Variants in SORCS2 observed in about 807,000 individuals in gnomAD.
SORCS2 encodes sortilin related VPS10 domain containing receptor 2, also known as VPS10 domain-containing receptor SorCS2.
In SORCS2, 100 loss-of-function variants were observed where a neutral mutation model predicts 141.6. The observed-to-expected ratio is 0.71, with a 90% CI of 0.60 to 0.83. The LOEUF is 0.83. Ranked by LOEUF, SORCS2 falls within the 40% of genes least tolerant of loss-of-function variation. The pLI is 0.00. For missense variants in SORCS2, 1,646 were observed against 1,560.2 expected, an observed-to-expected ratio of 1.05 and a Z score of -0.93; for synonymous variants, 789 against 676.9, an observed-to-expected ratio of 1.17 and a Z score of -2.57.
At chr4:7,729,052 AG>A (rs1560118283) in intron 22 of SORCS2, among the ~76,000 whole-genome samples, 1 of 152,224 alleles carries the variant, frequency 6.6e-6, no homozygotes, top group Admixed American at 6.5e-5. Context: ...AGGTTGAATC[AG>A]GGTTTGCCAG....
At chr4:7,296,487 C>T (rs914274346) in intron 1 of SORCS2, among the ~76,000 whole-genome samples, 1 of 152,144 alleles carries the variant, frequency 6.6e-6, no homozygotes, top group African/African-American at 2.4e-5. Flanking sequence ...GGGTTGGGGC[C>T]CTCTGCGGGA....
intron 1 of SORCS2, among the ~76,000 whole-genome samples, chr4:7,260,214 G>T (rs1714226063): frequency 6.6e-6 from 1 of 152,248 alleles, no homozygotes; most frequent in African/African-American, 2.4e-5. Flanking sequence ...GGAGGCAGCT[G>T]CTCTGGATGC....
At chr4:7,517,005 T>C (rs1733028028) in intron 2 of SORCS2, among the ~76,000 whole-genome samples, 1 of 152,172 alleles carries the variant, frequency 6.6e-6, no homozygotes, top group Non-Finnish European at 1.5e-5. Flanking sequence ...CGGCTGGGTG[T>C]TGAAGGGACT....
Position 7,654,116 on chromosome 4 carries a change from C to G in SORCS2, c.814-18C>G. On this transcript the variant is annotated intron_variant, in intron 4 of 26. Transcript: ENST00000507866. ...TGACGTCCTGACCAAGCTTTTGTTTCTTTTTTCTGCCCTAAAGCTCTACGT... is the reference window on the plus strand; with the variant it reads ...TGACGTCCTGACCAAGCTTTTGTTTGTTTTTTCTGCCCTAAAGCTCTACGT... The G allele has an allele frequency of 6.4e-7, 1 of 1,561,872 alleles. No homozygotes were observed.
intron 1 of SORCS2, among the ~76,000 whole-genome samples, chr4:7,203,408 A>G (rs970265713): frequency 3.3e-5 from 5 of 152,080 alleles, no homozygotes; most frequent in Non-Finnish European, 5.9e-5. Context: ...TGGGCGACAG[A>G]GCAAGACTCC....
Position 7,742,326 on chromosome 4 carries a change from A to AT in SORCS2, c.*2063dup. The AT allele has an allele frequency of 6.6e-6, 1 of 152,422 alleles. No homozygotes were observed. Among genetic ancestry groups the AT allele is most frequent in the Admixed American group, 6.5e-5 (1 of 15,300 alleles). The allele number at this position is 152,422 out of a possible 1,614,324, so 9.4% of individuals were successfully genotyped here. On this transcript the variant is annotated 3_prime_UTR_variant, in exon 27 of 27. Coordinates refer to ENST00000507866, the MANE Select transcript of SORCS2 (RefSeq NM_020777.3). The stretch of plus-strand genomic sequence containing the variant: ...AAGCGTCAGGCACACAGGGACAGAC[A>AT]TGGCGAGCACAGTGCAGGCCCGGGG...
chr4:7,552,259 T>G (rs1208859413), intron 3 of SORCS2, among the ~76,000 whole-genome samples: 6 of 152,310 alleles, frequency 3.9e-5, no homozygotes, highest in Non-Finnish European at 1.5e-5. Flanking sequence ...GTGGTATCTT[T>G]GGGATCTCTG....
At chr4:7,706,116 A>G (rs1725430696) in intron 14 of SORCS2, among the ~76,000 whole-genome samples, 1 of 138,084 alleles carries the variant, frequency 7.2e-6, no homozygotes, top group African/African-American at 2.7e-5. Context: ...CTGTCTGGGC[A>G]GGGATGAGGC....
chr4:7,703,445 G>C, intron 13 of SORCS2, 74 bp downstream of exon 13: 1 of 1,228,570 alleles, frequency 8.1e-7, no homozygotes, highest in Non-Finnish European at 1.1e-6. Flanking sequence ...AACCCTCTCA[G>C]ACTAGTCCCC....
intron 14 of SORCS2, among the ~76,000 whole-genome samples, chr4:7,710,134 G>A (rs925620188): frequency 3.3e-5 from 5 of 152,274 alleles, no homozygotes; most frequent in African/African-American, 4.8e-5. Context: ...TCAGAACAGC[G>A]GTGAGACTGA....
At chr4:7,680,656 G>A (rs1369363398) in intron 9 of SORCS2, among the ~76,000 whole-genome samples, 2 of 152,244 alleles carry the variant, frequency 1.3e-5, no homozygotes, top group Admixed American at 6.5e-5. Flanking sequence ...TCTGTGCATG[G>A]ATTTGCCACA....
intron 2 of SORCS2, among the ~76,000 whole-genome samples, chr4:7,407,338 T>A (rs1197457296): frequency 1.3e-5 from 2 of 152,126 alleles, no homozygotes; most frequent in African/African-American, 4.8e-5. Flanking sequence ...TTATTAATGT[T>A]TGCTTTATAT....
intron 25 of SORCS2, 58 bp downstream of exon 25, chr4:7,734,432 AG>A: frequency 8.2e-7 from 1 of 1,223,940 alleles, no homozygotes; most frequent in Non-Finnish European, 1.1e-6. Context: ...GTAGGAAGCC[AG>A]GCCCAACTCA....
At chr4:7,204,667 A>G (rs755487237) in intron 1 of SORCS2, among the ~76,000 whole-genome samples, 1 of 152,292 alleles carries the variant, frequency 6.6e-6, no homozygotes, top group African/African-American at 2.4e-5. Context: ...GCATTAGGAC[A>G]ATCCCGTGCC....
intron 3 of SORCS2, among the ~76,000 whole-genome samples, chr4:7,553,903 A>G (rs1190401817): frequency 6.6e-6 from 1 of 152,202 alleles, no homozygotes; most frequent in East Asian, 1.9e-4. Context: ...GTTGATGTGA[A>G]CTTGAAGTTG....
At chr4:7,399,723 G>A (rs1038617046) in intron 2 of SORCS2, among the ~76,000 whole-genome samples, 1 of 152,232 alleles carries the variant, frequency 6.6e-6, no homozygotes, top group Admixed American at 6.5e-5. Flanking sequence ...AGAAGCCACA[G>A]AGGGTTGAGC....
chr4:7,285,489 C>T (rs1716154322), intron 1 of SORCS2, among the ~76,000 whole-genome samples: 1 of 152,238 alleles, frequency 6.6e-6, no homozygotes, highest in Non-Finnish European at 1.5e-5. Flanking sequence ...CCCCACTCAC[C>T]ACTGCACGGA....
intron 1 of SORCS2, among the ~76,000 whole-genome samples, chr4:7,385,918 T>G (rs1243498764): frequency 6.6e-6 from 1 of 152,156 alleles, no homozygotes; most frequent in Admixed American, 6.5e-5. Flanking sequence ...CATCTAGTCT[T>G]CCCCTTTGCT....
intron 9 of SORCS2, among the ~76,000 whole-genome samples, chr4:7,680,292 C>A (rs1033682527): frequency 6.6e-6 from 1 of 152,250 alleles, no homozygotes; most frequent in Non-Finnish European, 1.5e-5. Context: ...GGCTCACACC[C>A]ATGCACGTGC....
Sources: allele counts gnomAD v4.1 joint callset (sites outside exome capture counted in the v4.1 genomes callset), GRCh38; gene constraint gnomAD v4.1.1; transcripts MANE v1.5; gene names NCBI Gene and HGNC (gene_info 2026-07-23, HGNC 2026-07-21).